Variants in MME observed in about 807,000 individuals in gnomAD.
The protein encoded by MME is membrane metalloendopeptidase.
MME carries 98 observed loss-of-function variants against 113.2 expected under a neutral mutation model. The observed-to-expected ratio is 0.87, with a 90% CI of 0.74 to 1.02. The LOEUF (loss-of-function observed/expected upper bound fraction) is 1.02. MME is among the 50% of genes least tolerant of loss of function. The pLI is 0.00. For missense variants in MME, 836 were observed against 896.0 expected, an observed-to-expected ratio of 0.93 and a Z score of 0.86; for synonymous variants, 292 against 300.6, an observed-to-expected ratio of 0.97 and a Z score of 0.30.
At chr3:155,115,864 G>C (rs1211058140) in intron 4 of MME, among the ~76,000 whole-genome samples, 3 of 152,168 alleles carry the variant, frequency 2.0e-5, no homozygotes, top group African/African-American at 7.2e-5. Flanking sequence ...TCCCAGCACA[G>C]GTATATTCTA....
Position 155,166,953 on chromosome 3 carries a change from A to G in MME, c.1712A>G (p.Asn571Ser), listed in dbSNP as rs1723141723. 7 of 1,613,684 alleles carry G rather than the reference A, an allele frequency of 4.3e-6. No individual in the cohort carries two copies. Among genetic ancestry groups the G allele is most frequent in the Non-Finnish European group, 5.9e-6 (7 of 1,179,754 alleles). The change falls in exon 18 of 23, where the codon AAC becomes AGC. Residue 571 changes from asparagine (N) to serine (S), a missense_variant. Asn to Ser is a conservative substitution (Grantham distance 46, BLOSUM62 1). Coordinates refer to ENST00000360490, the MANE Select transcript of MME (RefSeq NM_007289.4). ...CCCTTCTTTAGTGCCCAGCAGTCCA[A>G]CTCATTGAACTATGGGGGCATCGGC... ...QPPFFSAQQS[N>S]SLNYGGIGMV...
chr3:155,125,545 C>T (rs531394786), intron 8 of MME, among the ~76,000 whole-genome samples: 1 of 148,042 alleles, frequency 6.8e-6, no homozygotes, highest in East Asian at 2.1e-4. Context: ...CTGCAACCTC[C>T]GCCTCCCTGG....
In MME at chr3:155,030,402, G is replaced by GTTTTGT. The variant is rs545107851; in HGVS notation, c.-11+6086_-11+6091dup. ...TTAGGTGGTCTTTTCAACTTTGCTT[G>GTTTTGT]TTTTGTTTTTGTTGTTGTTGTTGTT... On this transcript the variant is annotated intron_variant, in intron 1 of 22. Coordinates refer to the MME transcript ENST00000492661. Among the ~76,000 whole-genome samples, 17 of 152,082 alleles carry GTTTTGT rather than the reference G, an allele frequency of 1.1e-4. No homozygotes were observed. The East Asian group carries it at 3.3e-3, about 29-fold the overall frequency.
chr3:155,054,899 A>G (rs1713875640), intron 1 of MME, among the ~76,000 whole-genome samples: 1 of 152,236 alleles, frequency 6.6e-6, no homozygotes, highest in African/African-American at 2.4e-5. Context: ...CAAATGGCCA[A>G]TTAACATATG....
At chr3:155,110,330 A>T (rs1367516899) in intron 3 of MME, among the ~76,000 whole-genome samples, 1 of 152,156 alleles carries the variant, frequency 6.6e-6, no homozygotes, top group African/African-American at 2.4e-5. Flanking sequence ...AAATTACTTA[A>T]TCTTGTACAG....
At chr3:155,030,725 A>C (rs1369881434) in intron 1 of MME, among the ~76,000 whole-genome samples, 1 of 152,202 alleles carries the variant, frequency 6.6e-6, no homozygotes, top group Non-Finnish European at 1.5e-5. Flanking sequence ...CAGCTCAAAG[A>C]AAGAAAAGTT....
chr3:155,059,293 T>C (rs1714058499), intron 1 of MME, among the ~76,000 whole-genome samples: 1 of 149,868 alleles, frequency 6.7e-6, no homozygotes, highest in Non-Finnish European at 1.5e-5. Context: ...GAAGGATCAC[T>C]TTTAAGTGCA....
intron 4 of MME, 82 bp from the exon 5 acceptor site, chr3:155,116,397 A>C: frequency 1.9e-6 from 2 of 1,062,188 alleles, no homozygotes; most frequent in Non-Finnish European, 1.5e-6. Flanking sequence ...TGCAAATGTT[A>C]ATTACTGCAA....
At chr3:155,038,332 C>T (rs551147356) in intron 1 of MME, among the ~76,000 whole-genome samples, 6 of 152,290 alleles carry the variant, frequency 3.9e-5, no homozygotes, top group African/African-American at 1.4e-4. Context: ...GGCAGGACTA[C>T]TCTCTGCCAG....
chr3:155,154,333 G>T (rs1001499352), intron 16 of MME, among the ~76,000 whole-genome samples: 2 of 152,192 alleles, frequency 1.3e-5, no homozygotes, highest in Non-Finnish European at 2.9e-5. Flanking sequence ...TGGCAGAGCA[G>T]TTGGCACCCT....
chr3:155,124,609 C>T (rs1454084873), intron 8 of MME, among the ~76,000 whole-genome samples: 1 of 151,920 alleles, frequency 6.6e-6, no homozygotes, highest in Non-Finnish European at 1.5e-5. Context: ...TGTGGATGTC[C>T]TTTCTGTTTG....
intron 3 of MME, among the ~76,000 whole-genome samples, chr3:155,091,349 C>G (rs1444059168): frequency 6.6e-6 from 1 of 152,164 alleles, no homozygotes; most frequent in East Asian, 1.9e-4. Context: ...TTTTTACCCT[C>G]CAGGGAAACT....
intron 3 of MME, among the ~76,000 whole-genome samples, chr3:155,102,301 G>A (rs1259526138): frequency 6.6e-6 from 1 of 152,224 alleles, no homozygotes; most frequent in Non-Finnish European, 1.5e-5. Context: ...TTATGGGCTA[G>A]TCATTGTGCT....
intron 3 of MME, among the ~76,000 whole-genome samples, chr3:155,091,367 A>T (rs1716285628): frequency 6.6e-6 from 1 of 152,262 alleles, no homozygotes; most frequent in South Asian, 2.1e-4. Context: ...ACTTTAAGCA[A>T]GTAGTACACC....
intron 1 of MME, among the ~76,000 whole-genome samples, chr3:155,066,444 C>T (rs1322552850): frequency 6.6e-6 from 1 of 152,180 alleles, no homozygotes; most frequent in Non-Finnish European, 1.5e-5. Context: ...GCCATCTCCT[C>T]AACCCAATAG....
chr3:155,101,967 G>A (rs553829579), intron 3 of MME, among the ~76,000 whole-genome samples: 112 of 152,300 alleles, frequency 7.4e-4, no homozygotes, highest in Admixed American at 7.2e-3. Context: ...GACAGCGAAG[G>A]ATCCTGCTTG....
intron 3 of MME, among the ~76,000 whole-genome samples, chr3:155,114,178 A>G (rs2108248893): frequency 6.6e-6 from 1 of 152,278 alleles, no homozygotes; most frequent in South Asian, 2.1e-4. Context: ...TGAGACTCAA[A>G]GTGGGGAGGG....
intron 9 of MME, among the ~76,000 whole-genome samples, chr3:155,139,680 G>A (rs150255006): frequency 6.5e-4 from 99 of 152,270 alleles, no homozygotes; most frequent in African/African-American, 2.3e-3. Flanking sequence ...CAGATAACTT[G>A]CAACCAAATT....
intron 10 of MME, 114 bp from the exon 11 acceptor site, chr3:155,141,877 A>G: frequency 7.2e-6 from 8 of 1,116,752 alleles, no homozygotes; most frequent in Non-Finnish European, 1.1e-5. Flanking sequence ...GAAACAATTG[A>G]GGAAGAATCC....
Sources: allele counts gnomAD v4.1 joint callset (sites outside exome capture counted in the v4.1 genomes callset), GRCh38; gene constraint gnomAD v4.1.1; transcripts MANE v1.5; gene names NCBI Gene and HGNC (gene_info 2026-07-23, HGNC 2026-07-21).